The following ADAMTS2 variants were observed in gnomAD, a reference collection of about 807,000 sequenced individuals.
ADAMTS2 encodes A disintegrin and metalloproteinase with thrombospondin motifs 2.
Under a neutral mutation model 123.0 loss-of-function variants are expected in ADAMTS2, and 50 were observed. The observed-to-expected ratio is 0.41, with a 90% CI of 0.32 to 0.51. The LOEUF is 0.51. Ranked by LOEUF, ADAMTS2 falls within the 20% of genes least tolerant of loss-of-function variation. The pLI, the probability that ADAMTS2 is intolerant of heterozygous loss-of-function variation, is 0.35. For synonymous variants in ADAMTS2, 678 were observed against 695.4 expected (o/e 0.98, Z 0.39); for missense variants, 1,494 against 1,705.2 (o/e 0.88, Z 2.18).
At chr5:179,327,587 C>T (rs1757348607) in intron 2 of ADAMTS2, among the ~76,000 whole-genome samples, 1 of 152,154 alleles carries the variant, frequency 6.6e-6, no homozygotes, top group Non-Finnish European at 1.5e-5. Context: ...ACAACATGGG[C>T]ACATCCTGCG....
intron 3 of ADAMTS2, among the ~76,000 whole-genome samples, chr5:179,219,989 GC>G (rs1180562456): frequency 6.6e-6 from 1 of 152,210 alleles, no homozygotes; most frequent in Non-Finnish European, 1.5e-5. Flanking sequence ...AGCAAGCCCT[GC>G]CCCTGCCTAG....
chr5:179,121,871 CG>C, intron 20 of ADAMTS2, 121 bp from the exon 21 acceptor site: 1 of 624,840 alleles, frequency 1.6e-6, no homozygotes. Flanking sequence ...CTCGCCTCCC[CG>C]GGCGGACAAA....
intron 3 of ADAMTS2, among the ~76,000 whole-genome samples, chr5:179,267,989 C>A (rs1356328781): frequency 6.6e-6 from 1 of 152,226 alleles, no homozygotes; most frequent in Non-Finnish European, 1.5e-5. Context: ...CAGCTGTTGC[C>A]GACTCACTGA....
chr5:179,315,892 C>G (rs1436886202), intron 2 of ADAMTS2, among the ~76,000 whole-genome samples: 1 of 152,194 alleles, frequency 6.6e-6, no homozygotes, highest in Non-Finnish European at 1.5e-5. Context: ...GGGAGAAAAG[C>G]TGCGAGACGT....
chr5:179,297,277 A>G lies in ADAMTS2; in HGVS notation c.535-24213T>C, dbSNP rs183851308. 3.4e-4 allele frequency among the ~76,000 whole-genome samples: 52 copies of G among 152,242 alleles called. No individual in the cohort carries two copies. In the East Asian group the frequency reaches 9.5e-3, roughly 28 times the overall value. ...TCTGACGACTTACAACCGAAAGCAA[A>G]TGAGTATTCTTTACAAGCATGGGGG... On this transcript the variant is annotated intron_variant, in intron 2 of 21. Coordinates refer to ENST00000251582, the MANE Select transcript of ADAMTS2 (RefSeq NM_014244.5).
chr5:179,273,787 C>T (rs911971315), intron 2 of ADAMTS2, among the ~76,000 whole-genome samples: 18 of 152,092 alleles, frequency 1.2e-4, no homozygotes, highest in African/African-American at 4.3e-4. Flanking sequence ...CCTAGGCCAG[C>T]CAGCACCCTC....
At chr5:179,340,210 C>T (rs1053310700) in intron 2 of ADAMTS2, among the ~76,000 whole-genome samples, 6 of 152,252 alleles carry the variant, frequency 3.9e-5, no homozygotes, top group South Asian at 2.1e-4. Context: ...CCATCTCCAC[C>T]GCCCAGCCCA....
At position 179,225,014 on chromosome 5, in the gene ADAMTS2, C is replaced by T. The variant is rs1417324118; in HGVS notation, c.689-17299G>A. ...GGCTGAAGCTTCCCGGGCCGCAGTT[C>T]ACGCCCCACTTGTTTCTCCACATCC... is the stretch of plus-strand genomic sequence containing the variant. On this transcript the variant is annotated intron_variant, in intron 3 of 21. Coordinates refer to ENST00000251582, the MANE Select transcript of ADAMTS2 (RefSeq NM_014244.5). The surrounding 1 kb of genome is among the most constrained non-coding windows in gnomAD (Gnocchi z 4.5). 6.6e-6 allele frequency among the ~76,000 whole-genome samples: 1 copy of T among 152,244 alleles called. No homozygotes were observed. Among genetic ancestry groups the T allele is most frequent in the African/African-American group, 2.4e-5 (1 of 41,472 alleles).
In ADAMTS2 at chr5:179,118,514, G is replaced by C. The variant is rs1026272249; in HGVS notation, c.3178+3147C>G. On this transcript the variant is annotated intron_variant, in intron 21 of 21. Transcript: ENST00000251582. This position sits in a 1 kb window ranked among gnomAD's most constrained non-coding sequence, Gnocchi z 4.5. ...TTAAGTCACTGTAGGCTACTCCCAC[G>C]ATCTTGGCTACACCTGAACAGCACC... 6.6e-6 allele frequency among the ~76,000 whole-genome samples: 1 copy of C among 152,098 alleles called. No homozygotes were observed. Among genetic ancestry groups the C allele is most frequent in the Non-Finnish European group, 1.5e-5 (1 of 68,022 alleles).
chr5:179,144,129 T>C (rs551134554), intron 10 of ADAMTS2, among the ~76,000 whole-genome samples: 11 of 152,254 alleles, frequency 7.2e-5, no homozygotes, highest in Admixed American at 4.6e-4. Context: ...TGCATTTCTA[T>C]AAACTAGTAA....
intron 3 of ADAMTS2, among the ~76,000 whole-genome samples, chr5:179,255,192 T>C (rs765736316): frequency 3.9e-5 from 6 of 152,042 alleles, no homozygotes; most frequent in Non-Finnish European, 7.4e-5. Context: ...AATGATTGGA[T>C]AGATGAATGG....
intron 2 of ADAMTS2, among the ~76,000 whole-genome samples, chr5:179,322,658 T>C (rs1479905385): frequency 1.3e-5 from 2 of 152,180 alleles, no homozygotes; most frequent in African/African-American, 4.8e-5. Context: ...GAACCAGGAC[T>C]GAAGGCCCCT....
rs1009902690 is a variant in ADAMTS2 at position 179,207,771 on chromosome 5, C to T, written c.689-56G>A. ...AGGGCAAACCCACCCGGACACAAAC[C>T]TACCAGGCGCCAGCTTGGCCATCCT... On this transcript the variant is annotated intron_variant, in intron 3 of 21. Coordinates refer to ENST00000251582, the MANE Select transcript of ADAMTS2 (RefSeq NM_014244.5). 6.6e-6 allele frequency: 10 copies of T among 1,524,038 alleles called. No homozygotes were observed. The African/African-American group carries it at 6.8e-5, about 10-fold the overall frequency. 94.4% of individuals were successfully genotyped at this position (1,524,038 alleles called of 1,614,324 possible).
chr5:179,301,138 G>A (rs1163994300), intron 2 of ADAMTS2, among the ~76,000 whole-genome samples: 5 of 147,500 alleles, frequency 3.4e-5, no homozygotes, highest in African/African-American at 5.1e-5. Context: ...GGCTCTGCTC[G>A]CTCCTGTCCC....
At chr5:179,123,957 T>C (rs1363391060) in intron 19 of ADAMTS2, among the ~76,000 whole-genome samples, 1 of 152,234 alleles carries the variant, frequency 6.6e-6, no homozygotes, top group Admixed American at 6.5e-5. Context: ...GCCCAGGCTC[T>C]GGTGGGCTCC....
intron 2 of ADAMTS2, among the ~76,000 whole-genome samples, chr5:179,336,989 C>A (rs958829548): frequency 1.3e-5 from 2 of 152,212 alleles, no homozygotes; most frequent in Non-Finnish European, 2.9e-5. Context: ...CTGTGCACCC[C>A]ACTCTGCAGC....
intron 21 of ADAMTS2, among the ~76,000 whole-genome samples, chr5:179,114,866 G>C (rs528754758): frequency 1.3e-5 from 2 of 152,328 alleles, no homozygotes; most frequent in East Asian, 1.9e-4. Flanking sequence ...CCCTGATGTT[G>C]CTCCCATTCT....
intron 2 of ADAMTS2, among the ~76,000 whole-genome samples, chr5:179,322,432 C>A (rs757963511): frequency 5.3e-5 from 8 of 152,182 alleles, no homozygotes; most frequent in Non-Finnish European, 1.2e-4. Flanking sequence ...AGTTCTCCCT[C>A]CCCCACCCAG....
At chr5:179,121,474 C>T in intron 21 of ADAMTS2, 187 bp downstream of exon 21, 1 of 474,806 alleles carries the variant, frequency 2.1e-6, no homozygotes, top group Non-Finnish European at 3.7e-6. Context: ...GAGCCCCCGC[C>T]AGCAGGCAGC....
Sources: gnomAD v4.1 joint callset for allele counts (sites outside exome capture counted in the v4.1 genomes callset) on GRCh38, gnomAD v4.1.1 for gene constraint, Gnocchi (gnomAD v3.1) non-coding constraint, MANE v1.5 for transcripts, NCBI Gene and HGNC (gene_info 2026-07-23, HGNC 2026-07-21) for gene names.